Variants in GRIK2 observed in about 807,000 individuals in gnomAD.
The protein encoded by GRIK2 is glutamate ionotropic receptor kainate type subunit 2.
A neutral mutation model predicts 100.3 loss-of-function variants in GRIK2; 32 were observed. The ratio of observed to expected loss-of-function variants is 0.32; its 90% CI spans 0.24 to 0.43. The LOEUF (loss-of-function observed/expected upper bound fraction) is 0.43, where lower values mean the gene tolerates loss of function less well. Ranked by LOEUF, GRIK2 falls within the 20% of genes least tolerant of loss-of-function variation. The pLI, the probability that GRIK2 is intolerant of heterozygous loss-of-function variation, is 1.00. For synonymous variants in GRIK2, 417 were observed against 389.4 expected, an observed-to-expected ratio of 1.07 and a Z score of -0.83; for missense variants, 843 against 1,114.9, an observed-to-expected ratio of 0.76 and a Z score of 3.47.
chr6:101,786,262 C>CT (rs35437235), intron 7 of GRIK2, among the ~76,000 whole-genome samples: 87 of 147,684 alleles, frequency 5.9e-4, no homozygotes, highest in Admixed American at 1.6e-3. Context: ...GACAATTTGA[C>CT]TTTTTTTTTT....
chr6:101,778,321 C>T (rs1364630516), intron 7 of GRIK2, among the ~76,000 whole-genome samples: 1 of 152,054 alleles, frequency 6.6e-6, no homozygotes, highest in Non-Finnish European at 1.5e-5. Context: ...AATGGTGAAT[C>T]ACTCTTTAAC....
chr6:101,808,667 C>G (rs1451489854), intron 9 of GRIK2, among the ~76,000 whole-genome samples: 11 of 151,894 alleles, frequency 7.2e-5, no homozygotes, highest in Non-Finnish European at 1.5e-5. Context: ...TGAAAATAGA[C>G]ATTGGAGAAT....
At chr6:101,979,157 G>A (rs932725706) in intron 14 of GRIK2, among the ~76,000 whole-genome samples, 3 of 151,986 alleles carry the variant, frequency 2.0e-5, no homozygotes, top group Admixed American at 2.0e-4. Context: ...AAGCAAGAAA[G>A]TTTTAGGACT....
chr6:101,519,077 A>T lies in GRIK2; in HGVS notation c.116-102872A>T, dbSNP rs574115616. ...AATTTACTCTTGTTCAAAAGATTTT[A>T]ATGGCTAAGCCTTGCCTCTGAACTA... On this transcript the variant is annotated intron_variant, in intron 2 of 16. Transcript: ENST00000369134. Among the ~76,000 whole-genome samples, 95 of 152,298 alleles carry T rather than the reference A, an allele frequency of 6.2e-4. 3 individuals carry two copies. In the South Asian group the frequency reaches 0.019, roughly 31 times the overall value.
chr6:101,712,395 T>C lies in GRIK2; in HGVS notation c.951+26042T>C, dbSNP rs1773781082. On this transcript the variant is annotated intron_variant, in intron 7 of 16. Transcript: ENST00000369134. ...GGAGAAGCACGATTTCAAACATCAT[T>C]ATATATTTCCTCAGTTTTTTTTCTT... 4.6e-5 allele frequency among the ~76,000 whole-genome samples: 7 copies of C among 151,888 alleles called. 1 individual carries two copies. The South Asian group carries it at 1.5e-3, about 32-fold the overall frequency.
intron 7 of GRIK2, among the ~76,000 whole-genome samples, chr6:101,762,088 C>CTTCCTTCCTCCCTTCCTTTCT (rs1777744510): frequency 7.8e-6 from 1 of 128,348 alleles, no homozygotes. Context: ...CCTTCCTTTC[C>CTTCCTTCCTCCCTTCCTTTCT]TTCCTTCCTC....
chr6:101,826,698 A>T (rs1460001263), intron 10 of GRIK2, among the ~76,000 whole-genome samples: 1 of 152,058 alleles, frequency 6.6e-6, no homozygotes, highest in African/African-American at 2.4e-5. Flanking sequence ...TGTAAATTAA[A>T]CTACCCAAAA....
At chr6:101,861,096 C>G (rs1236919903) in intron 11 of GRIK2, among the ~76,000 whole-genome samples, 1 of 152,022 alleles carries the variant, frequency 6.6e-6, no homozygotes, top group East Asian at 1.9e-4. Context: ...GAAAACACTG[C>G]CTTAAACACT....
At chr6:101,671,928 G>A (rs1770467195) in intron 4 of GRIK2, among the ~76,000 whole-genome samples, 1 of 152,026 alleles carries the variant, frequency 6.6e-6, no homozygotes, top group Non-Finnish European at 1.5e-5. Flanking sequence ...CCTTCTGAAG[G>A]GTACAGGTGT....
intron 2 of GRIK2, among the ~76,000 whole-genome samples, chr6:101,536,785 C>T (rs186720279): frequency 1.6e-4 from 25 of 151,710 alleles, no homozygotes; most frequent in Non-Finnish European, 2.8e-4. Flanking sequence ...TGAGGTTGTT[C>T]ATACACATTC....
At chr6:101,568,092 G>GA (rs937251346) in intron 2 of GRIK2, among the ~76,000 whole-genome samples, 2 of 151,750 alleles carry the variant, frequency 1.3e-5, no homozygotes, top group South Asian at 2.1e-4. Context: ...CTTAGTAAAT[G>GA]AAAAAAAGAA....
At chr6:101,887,005 ATT>A in intron 11 of GRIK2, among the ~76,000 whole-genome samples, 1 of 142,998 alleles carries the variant, frequency 7.0e-6, no homozygotes, top group East Asian at 2.1e-4. Flanking sequence ...TTTTTTTTGT[ATT>A]TTAGTAGAGA....
At chr6:101,855,524 G>A (rs1784378773) in intron 10 of GRIK2, among the ~76,000 whole-genome samples, 1 of 151,826 alleles carries the variant, frequency 6.6e-6, no homozygotes, top group African/African-American at 2.4e-5. Flanking sequence ...GATCTTCCCT[G>A]TCAGAAAAAT....
chr6:102,050,454 C>A (rs941334755), intron 15 of GRIK2, among the ~76,000 whole-genome samples: 4 of 151,788 alleles, frequency 2.6e-5, no homozygotes, highest in Admixed American at 6.6e-5. Context: ...GAGATTGAGA[C>A]CATCCTGGCC....
chr6:101,817,077 G>C (rs1373788069), intron 9 of GRIK2, among the ~76,000 whole-genome samples: 1 of 152,138 alleles, frequency 6.6e-6, no homozygotes, highest in Non-Finnish European at 1.5e-5. Flanking sequence ...ATAGAATTAG[G>C]CTCCATCTTT....
intron 11 of GRIK2, among the ~76,000 whole-genome samples, chr6:101,877,047 T>G (rs1785900629): frequency 6.6e-6 from 1 of 151,922 alleles, no homozygotes; most frequent in Non-Finnish European, 1.5e-5. Flanking sequence ...TTGTATTCCC[T>G]CTATACAAAT....
At chr6:101,968,438 A>T (rs1373372439) in intron 14 of GRIK2, among the ~76,000 whole-genome samples, 1 of 151,998 alleles carries the variant, frequency 6.6e-6, no homozygotes, top group African/African-American at 2.4e-5. Context: ...AGTTTTTTAC[A>T]TGACAACTTC....
intron 12 of GRIK2, among the ~76,000 whole-genome samples, chr6:101,916,891 G>C (rs2791785): frequency 0.94 from 142,074 of 151,610 alleles, 66,608 homozygotes; most frequent in Middle Eastern, 0.97. Context: ...TTCTTTCATG[G>C]CTTGTTTTAA....
At position 102,064,111 on chromosome 6, in the gene GRIK2, T is replaced by C. The variant is rs796682487; in HGVS notation, c.2563-4236T>C. The C allele has an allele frequency of 1.6e-5, 12 of 751,536 alleles. No individual in the cohort carries two copies. In the African/African-American group the frequency reaches 1.6e-4, roughly 10 times the overall value. The allele number at this position is 751,536 out of a possible 1,614,324, so 46.6% of individuals were successfully genotyped here. ...TCTGTTATATTAATGTGGAGAAACA[T>C]TTTTATTGTTGTTTTCATCCTAAGG... On this transcript the variant is annotated intron_variant, in intron 16 of 16. Transcript: ENST00000369134.
Sources: allele counts gnomAD v4.1 joint callset (sites outside exome capture counted in the v4.1 genomes callset), GRCh38; gene constraint gnomAD v4.1.1; transcripts MANE v1.5; gene names NCBI Gene and HGNC (gene_info 2026-07-23, HGNC 2026-07-21).